CEP164: variants seen among roughly 807,000 people sequenced by gnomAD.
The protein encoded by CEP164 is centrosomal protein of 164 kDa.
A neutral mutation model predicts 182.7 loss-of-function variants in CEP164; 162 were observed. That is an observed-to-expected ratio of 0.89 (90% CI 0.78 to 1.01). CEP164 has a LOEUF of 1.01. Among genes scored for constraint, CEP164 ranks in the 50% least tolerant of loss-of-function variants. The pLI is 0.00. For missense variants in CEP164, 1,735 were observed against 1,790.4 expected, an observed-to-expected ratio of 0.97 and a Z score of 0.56; for synonymous variants, 661 against 690.0, an observed-to-expected ratio of 0.96 and a Z score of 0.66.
rs371259597 is a variant in CEP164 at position 117,332,128 on chromosome 11, C to T, written c.-97-3477C>T. 4.1e-4 allele frequency among the ~76,000 whole-genome samples: 62 copies of T among 151,940 alleles called. No homozygotes were observed. In the East Asian group the frequency reaches 0.011, roughly 27 times the overall value. ...TGTGAGCCACAACACCCGGCCTATT[C>T]CTTGGTTTTATATTAGCAGTTACAG... On this transcript the variant is annotated intron_variant, in intron 1 of 32. Coordinates refer to ENST00000278935, the MANE Select transcript of CEP164 (RefSeq NM_014956.5).
chr11:117,327,747 A>C (rs1211831530), upstream of CEP164: 1 of 152,244 alleles, frequency 6.6e-6, no homozygotes, highest in Non-Finnish European at 1.5e-5. Context: ...CGTGCACCGA[A>C]GGGACTTCGA....
At chr11:117,371,691 C>T (rs1374043088) in intron 9 of CEP164, among the ~76,000 whole-genome samples, 4 of 152,122 alleles carry the variant, frequency 2.6e-5, no homozygotes, top group African/African-American at 7.2e-5. Context: ...TGCTGGCACT[C>T]GAAATTGAGA....
At chr11:117,340,057 ACT>A (rs1413298650) in intron 3 of CEP164, among the ~76,000 whole-genome samples, 2 of 151,330 alleles carry the variant, frequency 1.3e-5, no homozygotes, top group Admixed American at 1.3e-4. Flanking sequence ...ATGGAGTTTC[ACT>A]CTGTCGCCCA....
intron 5 of CEP164, chr11:117,355,629 G>C: frequency 8.4e-7 from 1 of 1,196,604 alleles, no homozygotes; most frequent in Non-Finnish European, 1.1e-6. Flanking sequence ...TTGTTAGATA[G>C]CAGCCCTACT....
In CEP164 at chr11:117,409,546, A is replaced by T; in HGVS notation, c.3749-72A>T. Reference sequence around the variant, plus strand: ...GGGGTGGCCAGTAGGGTCCTCCATGACAGCTGTGTCTGGGAATGGTCCAGG... The same window carrying T: ...GGGGTGGCCAGTAGGGTCCTCCATGTCAGCTGTGTCTGGGAATGGTCCAGG... On this transcript the variant is annotated intron_variant, in intron 29 of 32. Transcript: ENST00000278935. The surrounding 1 kb of genome is among the most constrained non-coding windows in gnomAD (Gnocchi z 4.4). The T allele has an allele frequency of 7.2e-7, 1 of 1,398,532 alleles. No homozygotes were observed. The highest frequency in any genetic ancestry group is 9.8e-7 in the Non-Finnish European group (1 of 1,017,774). The allele number at this position is 1,398,532 out of a possible 1,614,324, so 86.6% of individuals were successfully genotyped here. A position where few individuals can be genotyped will look rare whatever the true frequency, so the allele number is the denominator to read the frequency against.
chr11:117,392,502 T>G lies in CEP164; in HGVS notation c.2368T>G (p.Ser790Ala). 1 of 1,613,740 alleles carries G rather than the reference T, an allele frequency of 6.2e-7. No homozygotes were observed. The highest frequency in any genetic ancestry group is 1.3e-5 in the African/African-American group (1 of 75,030). The change falls in exon 19 of 33, where the codon TCC becomes GCC. Residue 790 changes from serine to alanine, a missense_variant. Transcript: ENST00000278935. ...SLEAKHREVV[S>A]SLQKKIQEAQ... The stretch of plus-strand genomic sequence containing the variant: ...TGTGCGGGGGCCTCCTCAGGTGGTC[T>G]CCAGCCTCCAGAAGAAGATACAGGA...
chr11:117,352,980 G>A (rs902968415), intron 5 of CEP164, among the ~76,000 whole-genome samples: 15 of 152,132 alleles, frequency 9.9e-5, no homozygotes, highest in Non-Finnish European at 1.9e-4. Flanking sequence ...ACTGAGTCTA[G>A]GAGGTGGAGT....
At chr11:117,355,243 G>C in intron 5 of CEP164, 1 of 1,289,878 alleles carries the variant, frequency 7.8e-7, no homozygotes, top group Non-Finnish European at 1.0e-6. Context: ...GTGATCAGCA[G>C]GGTCTGGAGA....
intron 19 of CEP164, 136 bp from the exon 20 acceptor site, chr11:117,392,868 A>G (rs2044859042): frequency 7.2e-7 from 1 of 1,382,610 alleles, no homozygotes; most frequent in South Asian, 1.3e-5. Flanking sequence ...CCATGGTGTC[A>G]TGGCTGTGTG....
intron 1 of CEP164, among the ~76,000 whole-genome samples, chr11:117,334,176 A>C (rs1294635329): frequency 6.6e-6 from 1 of 152,184 alleles, no homozygotes; most frequent in Non-Finnish European, 1.5e-5. Flanking sequence ...TCACGATTGC[A>C]TCTCTAGCGC....
chr11:117,352,285 A>G (rs1367652621), intron 5 of CEP164, among the ~76,000 whole-genome samples: 1 of 152,158 alleles, frequency 6.6e-6, no homozygotes, highest in African/African-American at 2.4e-5. Context: ...TTGCAGTAGT[A>G]GTAGCAGTAA....
chr11:117,355,522 G>A, intron 5 of CEP164: 9 of 1,283,972 alleles, frequency 7.0e-6, no homozygotes, highest in Non-Finnish European at 9.1e-6. Context: ...GAGGGGACAA[G>A]GGCCAAAGCC....
intron 2 of CEP164, chr11:117,336,531 T>G (rs528378732): frequency 6.5e-7 from 1 of 1,527,020 alleles, no homozygotes; most frequent in Non-Finnish European, 8.9e-7. Context: ...GGGGAAAGGG[T>G]GGATTGATAG....
intron 9 of CEP164, among the ~76,000 whole-genome samples, chr11:117,373,025 AC>A (rs2135954534): frequency 6.6e-6 from 1 of 152,100 alleles, no homozygotes; most frequent in South Asian, 2.1e-4. Context: ...AGATTTTTCA[AC>A]CCTTAGTCCT....
chr11:117,407,935 A>G lies in CEP164; in HGVS notation c.3512A>G (p.His1171Arg). 1 of 1,593,350 alleles carries G rather than the reference A, an allele frequency of 6.3e-7. No homozygotes were observed. The highest frequency in any genetic ancestry group is 8.5e-7 in the Non-Finnish European group (1 of 1,169,694). Residue 1171 changes from histidine to arginine, a missense_variant, in exon 28 of 33, where the codon CAC becomes CGC. His to Arg is a conservative substitution (Grantham distance 29). Transcript: ENST00000278935. ...TCTCCTTGGCTGCAGGAGACCAGGC[A>G]CCTGGATGAGATGAAGTCGGCCATG... ...MRKNLEKETR[H>R]LDEMKSAMRK...
chr11:117,373,932 G>C, intron 10 of CEP164, 101 bp downstream of exon 10: 1 of 951,614 alleles, frequency 1.1e-6, no homozygotes, highest in Non-Finnish European at 1.6e-6. Flanking sequence ...TTATAAGTGG[G>C]AGAATTTCGA....
At chr11:117,323,958 CTT>C (rs1042333919), upstream of CEP164, 6 of 291,696 alleles carry the variant, frequency 2.1e-5, no homozygotes, top group Non-Finnish European at 4.4e-5. Flanking sequence ...TTTTTTTTCT[CTT>C]GTTTTGGCTG....
chr11:117,335,322 C>A (rs925463156), intron 1 of CEP164, among the ~76,000 whole-genome samples: 2 of 152,060 alleles, frequency 1.3e-5, no homozygotes, highest in African/African-American at 4.8e-5. Context: ...TTTCTTCCTG[C>A]TTGGAGGTGG....
intron 4 of CEP164, among the ~76,000 whole-genome samples, chr11:117,350,030 C>T (rs932720485): frequency 7.9e-5 from 12 of 152,244 alleles, no homozygotes; most frequent in African/African-American, 2.4e-4. Context: ...GCCTTGGCCT[C>T]GCAAAGTGCT....
Sources: allele counts gnomAD v4.1 joint callset (sites outside exome capture counted in the v4.1 genomes callset), GRCh38; gene constraint gnomAD v4.1.1; non-coding constraint Gnocchi (gnomAD v3.1); transcripts MANE v1.5; gene names NCBI Gene and HGNC (gene_info 2026-07-23, HGNC 2026-07-21).